KDM4B: variants seen among roughly 807,000 people sequenced by gnomAD.
KDM4B encodes the protein lysine-specific demethylase 4B.
A neutral mutation model predicts 125.2 loss-of-function variants in KDM4B; 32 were observed. That is an observed-to-expected ratio of 0.26 (90% CI 0.19 to 0.34). KDM4B has a LOEUF of 0.34. Ranked by LOEUF, KDM4B falls within the 10% of genes least tolerant of loss-of-function variation. The pLI is 1.00. For missense variants in KDM4B, 1,190 were observed against 1,577.7 expected (o/e 0.75, Z 4.16); for synonymous variants, 721 against 677.9 (o/e 1.06, Z -0.99).
rs147027017 is a variant in KDM4B at position 5,119,791 on chromosome 19, CGAGGAG to C, written c.1267_1272del (p.Glu423_Glu424del). On this transcript the variant is annotated inframe_deletion, in exon 11 of 23. Transcript: ENST00000159111. ...AGGAGGCTGGGCCGGAGGTTGACCC[CGAGGAG>C]GAGGAGGAGGAGCCGCAGCCACTGC... 1 of 1,542,396 alleles carries C rather than the reference CGAGGAG, an allele frequency of 6.5e-7. No homozygotes were observed. The highest frequency in any genetic ancestry group is 1.4e-5 in the African/African-American group (1 of 72,978).
intron 7 of KDM4B, among the ~76,000 whole-genome samples, chr19:5,072,856 A>T (rs1230871001): frequency 6.6e-6 from 1 of 151,982 alleles, no homozygotes; most frequent in Middle Eastern, 3.2e-3. Flanking sequence ...CGCCTTTTCC[A>T]GTGTCTAGAG....
At chr19:5,037,862 C>A (rs941568162) in intron 3 of KDM4B, among the ~76,000 whole-genome samples, 1 of 152,258 alleles carries the variant, frequency 6.6e-6, no homozygotes, top group African/African-American at 2.4e-5. Flanking sequence ...GCTGCTGTTA[C>A]TGCTTTTGCT....
At position 5,076,960 on chromosome 19, in the gene KDM4B, G is replaced by A. The variant is rs543093814; in HGVS notation, c.677-407G>A. The A allele has an allele frequency of 1.2e-4, 25 of 207,514 alleles. No homozygotes were observed. The South Asian group carries it at 1.6e-3, about 13-fold the overall frequency. The allele number at this position is 207,514 out of a possible 1,614,324, so 12.9% of individuals were successfully genotyped here. On this transcript the variant is annotated intron_variant, in intron 7 of 22. Transcript: ENST00000159111. Reference sequence around the variant, plus strand: ...TCGGAGGAGAAGTCTCTGCATAGCCGTGCCCTGTGAGGGACCCAAGTGTAT... The same window carrying A: ...TCGGAGGAGAAGTCTCTGCATAGCCATGCCCTGTGAGGGACCCAAGTGTAT...
At chr19:5,003,663 G>A (rs1435331280) in intron 1 of KDM4B, among the ~76,000 whole-genome samples, 1 of 152,042 alleles carries the variant, frequency 6.6e-6, no homozygotes, top group East Asian at 1.9e-4. Flanking sequence ...ACAAAAATTA[G>A]CTGGGCATGG....
intron 7 of KDM4B, among the ~76,000 whole-genome samples, chr19:5,072,797 G>A (rs1034020393): frequency 6.6e-6 from 1 of 152,202 alleles, no homozygotes; most frequent in African/African-American, 2.4e-5. Flanking sequence ...AAACCCAGGT[G>A]CAGGCAGGGC....
intron 18 of KDM4B, among the ~76,000 whole-genome samples, chr19:5,138,639 G>C (rs2039690611): frequency 1.3e-5 from 2 of 152,052 alleles, no homozygotes; most frequent in South Asian, 4.1e-4. Context: ...CTAGACAACA[G>C]AGCCAGGCAC....
chr19:5,147,905 G>A (rs1457406427), intron 21 of KDM4B, among the ~76,000 whole-genome samples: 1 of 152,156 alleles, frequency 6.6e-6, no homozygotes, highest in Non-Finnish European at 1.5e-5. Context: ...TCATGCAAAC[G>A]CCCGCTGTGT....
At chr19:5,084,334 A>G (rs2038401202) in intron 9 of KDM4B, among the ~76,000 whole-genome samples, 1 of 145,314 alleles carries the variant, frequency 6.9e-6, no homozygotes, top group Admixed American at 7.0e-5. Flanking sequence ...ATTGTATATA[A>G]TTTATATATT....
At chr19:5,037,158 G>A (rs751376427) in intron 3 of KDM4B, among the ~76,000 whole-genome samples, 10 of 152,210 alleles carry the variant, frequency 6.6e-5, no homozygotes, top group Non-Finnish European at 1.5e-4. Flanking sequence ...CACTGAAGAG[G>A]CGAATTCACG....
At chr19:5,111,553 C>T (rs1014586244) in intron 10 of KDM4B, 67 of 760,030 alleles carry the variant, frequency 8.8e-5, no homozygotes, top group Non-Finnish European at 1.5e-4. Flanking sequence ...AGGCGAGCAC[C>T]GGCCTCCCCA....
At chr19:5,011,936 C>A (rs555980437) in intron 1 of KDM4B, among the ~76,000 whole-genome samples, 1 of 152,184 alleles carries the variant, frequency 6.6e-6, no homozygotes, top group Non-Finnish European at 1.5e-5. Context: ...CGGGTCTTGG[C>A]GGAGGGGCTC....
intron 1 of KDM4B, among the ~76,000 whole-genome samples, chr19:4,986,354 G>A (rs1450128728): frequency 2.0e-5 from 3 of 152,220 alleles, no homozygotes; most frequent in East Asian, 1.9e-4. Context: ...CCTGTGGGGC[G>A]ATGGCGGAGT....
chr19:5,056,153 C>T (rs1044793421), intron 6 of KDM4B, among the ~76,000 whole-genome samples: 2 of 152,164 alleles, frequency 1.3e-5, no homozygotes, highest in African/African-American at 4.8e-5. Flanking sequence ...ATCAGCATGT[C>T]TGATGTTTTT....
chr19:5,136,252 G>A (rs147064458), intron 15 of KDM4B, among the ~76,000 whole-genome samples: 32 of 152,336 alleles, frequency 2.1e-4, no homozygotes, highest in Non-Finnish European at 4.0e-4. Flanking sequence ...TGGTCAGGGC[G>A]TCTGATTTAT....
chr19:5,024,793 C>T (rs2036228704), intron 2 of KDM4B, among the ~76,000 whole-genome samples: 2 of 152,102 alleles, frequency 1.3e-5, no homozygotes, highest in South Asian at 2.1e-4. Context: ...ACTAAAAATA[C>T]AAAAATTAGC....
At position 5,032,941 on chromosome 19, in the gene KDM4B, G is replaced by T; in HGVS notation, c.51G>T (p.Thr17=). 6.2e-7 allele frequency: 1 copy of T among 1,614,152 alleles called. No individual in the cohort carries two copies. Among genetic ancestry groups the T allele is most frequent in the Non-Finnish European group, 8.5e-7 (1 of 1,180,020 alleles). ...GAQNPSCKIM[T]FRPTMEEFKD... ...AGAACCCCAGCTGTAAAATCATGAC[G>T]TTTCGCCCAACCATGGAAGAATTTA... The change falls in exon 3 of 23, where the codon ACG becomes ACT. Residue 17 remains threonine, a synonymous_variant. Coordinates refer to ENST00000159111, the MANE Select transcript of KDM4B (RefSeq NM_015015.3).
In KDM4B at chr19:5,019,116, GTGTTGGTGTGGA is replaced by G. The variant is rs1163781836; in HGVS notation, c.-26+2788_-26+2799del. ...CGTTGGTGTGCAGGTGTTGGTGTGG[GTGTTGGTGTGGA>G]TGTTGGTGTGCAGGTGTTGGTGTGG... On this transcript the variant is annotated intron_variant, in intron 2 of 22. Coordinates refer to ENST00000159111, the MANE Select transcript of KDM4B (RefSeq NM_015015.3). 7.2e-4 allele frequency among the ~76,000 whole-genome samples: 106 copies of G among 147,552 alleles called. 1 individual carries two copies. The highest frequency in any genetic ancestry group is 1.4e-3 in the Non-Finnish European group (95 of 66,698).
rs1347680600 is a variant in KDM4B at position 5,151,703 on chromosome 19, G to A, written c.*192G>A. 4.7e-6 allele frequency: 2 copies of A among 427,780 alleles called. No homozygotes were observed. The highest frequency in any genetic ancestry group is 7.9e-6 in the Non-Finnish European group (2 of 253,476). 26.5% of individuals were successfully genotyped at this position (427,780 alleles called of 1,614,324 possible). ...GCCCCAGACTCAGGGAGCAGGGCCAGGCGGGCTCGGGGGCCGGCCAGGGGA... is the reference window on the plus strand; with the variant it reads ...GCCCCAGACTCAGGGAGCAGGGCCAAGCGGGCTCGGGGGCCGGCCAGGGGA... On this transcript the variant is annotated 3_prime_UTR_variant, in exon 23 of 23. Transcript: ENST00000159111.
At chr19:5,105,629 G>A (rs979522464) in intron 9 of KDM4B, among the ~76,000 whole-genome samples, 5 of 152,138 alleles carry the variant, frequency 3.3e-5, no homozygotes, top group African/African-American at 9.7e-5. Flanking sequence ...TGGAGACAGC[G>A]TCTTGCTATA....
Sources: allele counts gnomAD v4.1 joint callset (sites outside exome capture counted in the v4.1 genomes callset), GRCh38; gene constraint gnomAD v4.1.1; transcripts MANE v1.5; gene names NCBI Gene and HGNC (gene_info 2026-07-23, HGNC 2026-07-21).